ELL: variants seen among roughly 807,000 people sequenced by gnomAD.
ELL encodes the protein RNA polymerase II elongation factor ELL.
In ELL, 18 loss-of-function variants were observed where a neutral mutation model predicts 64.0. The ratio of observed to expected loss-of-function variants is 0.28; its 90% CI spans 0.19 to 0.42. The LOEUF (loss-of-function observed/expected upper bound fraction) is 0.42. Ranked by LOEUF, ELL falls within the 10% of genes least tolerant of loss-of-function variation. The pLI, the probability that ELL is intolerant of heterozygous loss-of-function variation, is 1.00. For missense variants in ELL, 797 were observed against 870.4 expected, an observed-to-expected ratio of 0.92 and a Z score of 1.06; for synonymous variants, 399 against 376.2, an observed-to-expected ratio of 1.06 and a Z score of -0.70.
chr19:18,445,017 C>A, intron 11 of ELL, 149 bp from the exon 12 acceptor site: 1 of 1,072,446 alleles, frequency 9.3e-7, no homozygotes, highest in Admixed American at 2.0e-5. Context: ...GGAGTTGGTC[C>A]CCCGCACCTC....
At chr19:18,458,060 C>T (rs1300073862) in intron 6 of ELL, 145 bp downstream of exon 6, 19 of 1,430,156 alleles carry the variant, frequency 1.3e-5, no homozygotes, top group Non-Finnish European at 1.7e-5. Flanking sequence ...GGAGGATGGC[C>T]AGAGAGGCCT....
At position 18,471,140 on chromosome 19, in the gene ELL, A is replaced by C. The variant is rs1013620648; in HGVS notation, c.183+1695T>G. 9.3e-5 allele frequency: 35 copies of C among 376,928 alleles called. No homozygotes were observed. In the Admixed American group the frequency reaches 1.2e-3, roughly 13 times the overall value. 23.3% of individuals were successfully genotyped at this position (376,928 alleles called of 1,614,324 possible). On this transcript the variant is annotated intron_variant, in intron 2 of 11. Coordinates refer to ENST00000262809, the MANE Select transcript of ELL (RefSeq NM_006532.4). Reference sequence around the variant, plus strand: ...GTAATTCTAGCACTTTGGGAGGCCAAGGTGGGAAGATCATTTGAGCCTAGA... The same window carrying C: ...GTAATTCTAGCACTTTGGGAGGCCACGGTGGGAAGATCATTTGAGCCTAGA...
At position 18,443,605 on chromosome 19, in the gene ELL, CT is replaced by C. The variant is rs1974341287; in HGVS notation, c.*1146del. ...ACATACGCACACTCACACACCCACA[CT>C]TGCGTGGCCCCCCGATGCTTTGGGG... is the stretch of plus-strand genomic sequence containing the variant. On this transcript the variant is annotated 3_prime_UTR_variant, in exon 12 of 12. Coordinates refer to ENST00000262809, the MANE Select transcript of ELL (RefSeq NM_006532.4). 4.3e-5 allele frequency: 10 copies of C among 233,568 alleles called. No homozygotes were observed. The East Asian group carries it at 5.4e-4, about 13-fold the overall frequency. The allele number at this position is 233,568 out of a possible 1,614,324, so 14.5% of individuals were successfully genotyped here.
chr19:18,506,865 C>T (rs915112321), intron 1 of ELL, among the ~76,000 whole-genome samples: 1 of 152,200 alleles, frequency 6.6e-6, no homozygotes, highest in African/African-American at 2.4e-5. Flanking sequence ...GACCCTGTCT[C>T]ATTGATCCTA....
At chr19:18,476,215 G>A (rs1022104517) in intron 1 of ELL, among the ~76,000 whole-genome samples, 4 of 152,202 alleles carry the variant, frequency 2.6e-5, no homozygotes, top group African/African-American at 7.2e-5. Flanking sequence ...GGTGGGCCCC[G>A]TCTCTCGCGG....
intron 6 of ELL, among the ~76,000 whole-genome samples, chr19:18,456,260 C>T (rs755714413): frequency 8.5e-5 from 13 of 152,334 alleles, no homozygotes; most frequent in South Asian, 2.1e-4. Flanking sequence ...CTGCGGGGGC[C>T]GTGGTGCCCA....
intron 4 of ELL, among the ~76,000 whole-genome samples, 172 bp from the exon 5 acceptor site, chr19:18,462,024 C>T (rs8103622): frequency 0.44 from 66,451 of 151,978 alleles, 16,325 homozygotes; most frequent in African/African-American, 0.68. Flanking sequence ...CGACCAAGAG[C>T]GCCACCTGCT....
chr19:18,495,623 C>A (rs1279676987), intron 1 of ELL, among the ~76,000 whole-genome samples: 2 of 152,214 alleles, frequency 1.3e-5, no homozygotes, highest in Non-Finnish European at 2.9e-5. Flanking sequence ...GGCTGGTAGG[C>A]AGAGTGACAG....
At chr19:18,454,119 C>T (rs867509045) in intron 6 of ELL, among the ~76,000 whole-genome samples, 1 of 152,170 alleles carries the variant, frequency 6.6e-6, no homozygotes, top group Non-Finnish European at 1.5e-5. Context: ...ATATTATGAA[C>T]GTACAAAATG....
chr19:18,483,990 C>T (rs1362095491), intron 1 of ELL, among the ~76,000 whole-genome samples: 2 of 152,226 alleles, frequency 1.3e-5, no homozygotes, highest in African/African-American at 2.4e-5. Flanking sequence ...TATTATTCCA[C>T]CTTTTGCATC....
intron 1 of ELL, among the ~76,000 whole-genome samples, chr19:18,478,822 TG>T (rs1483275966): frequency 6.6e-6 from 1 of 152,206 alleles, no homozygotes; most frequent in Non-Finnish European, 1.5e-5. Context: ...GGGCGCCCAC[TG>T]GGGCTACTGA....
At chr19:18,497,654 A>G (rs1448607302) in intron 1 of ELL, among the ~76,000 whole-genome samples, 3 of 151,860 alleles carry the variant, frequency 2.0e-5, no homozygotes, top group Non-Finnish European at 4.4e-5. Context: ...CTGTCTAAAA[A>G]AATTTTTTTT....
chr19:18,497,855 G>A (rs1279790683), intron 1 of ELL, among the ~76,000 whole-genome samples: 3 of 144,570 alleles, frequency 2.1e-5, no homozygotes, highest in Admixed American at 1.4e-4. Context: ...TCAGCCAGAT[G>A]TGATGGCTCA....
chr19:18,485,118 G>A (rs2144946997), intron 1 of ELL, among the ~76,000 whole-genome samples: 2 of 152,294 alleles, frequency 1.3e-5, no homozygotes, highest in South Asian at 4.1e-4. Flanking sequence ...TTGGGTCCCT[G>A]AGAATGCAGC....
At position 18,446,484 on chromosome 19, in the gene ELL, A is replaced by AATC. The variant is rs1974418882; in HGVS notation, c.1533-5_1533-4insGAT. The AATC allele has an allele frequency of 2.5e-6, 4 of 1,610,674 alleles. No homozygotes were observed. The highest frequency in any genetic ancestry group is 3.4e-6 in the Non-Finnish European group (4 of 1,179,466). On this transcript the variant is annotated splice_region_variant and splice_polypyrimidine_tract_variant and intron_variant, in intron 9 of 11. Coordinates refer to ENST00000262809, the MANE Select transcript of ELL (RefSeq NM_006532.4). ...AGAGGAGATGGCTGCGTACTTCCTG[A>AATC]AACAGGAGAGAGGGGCCACTGAGTG... is the stretch of plus-strand genomic sequence containing the variant.
intron 1 of ELL, among the ~76,000 whole-genome samples, chr19:18,506,312 A>G (rs1247783435): frequency 6.6e-6 from 1 of 152,220 alleles, no homozygotes; most frequent in Non-Finnish European, 1.5e-5. Context: ...CCTGCTCCTA[A>G]GCCGCCTCCC....
chr19:18,503,429 G>T (rs1292277051), intron 1 of ELL, among the ~76,000 whole-genome samples: 2 of 152,250 alleles, frequency 1.3e-5, no homozygotes, highest in Non-Finnish European at 2.9e-5. Context: ...AGGCTCTGAG[G>T]AACTGAGCTG....
At position 18,444,352 on chromosome 19, in the gene ELL, G is replaced by C. The variant is rs1490173983; in HGVS notation, c.*400C>G. ...GAGGGAGGCACAGGTTTAGAAAAAAGATTTTGCTTCTCTTTTGTACAAAAA... is the reference window on the plus strand; with the variant it reads ...GAGGGAGGCACAGGTTTAGAAAAAACATTTTGCTTCTCTTTTGTACAAAAA... On this transcript the variant is annotated 3_prime_UTR_variant, in exon 12 of 12. Transcript: ENST00000262809. The C allele has an allele frequency of 4.1e-6, 1 of 244,918 alleles. No homozygotes were observed. The highest frequency in any genetic ancestry group is 5.9e-5 in the East Asian group (1 of 16,826). The allele number at this position is 244,918 out of a possible 1,614,324, so 15.2% of individuals were successfully genotyped here. A position where few individuals can be genotyped will look rare whatever the true frequency, so the allele number is the denominator to read the frequency against.
chr19:18,485,206 G>A (rs1975383578), intron 1 of ELL, among the ~76,000 whole-genome samples: 1 of 151,928 alleles, frequency 6.6e-6, no homozygotes, highest in East Asian at 1.9e-4. Context: ...ACTATTTGGA[G>A]CCCAGCAGAA....
Sources: allele counts gnomAD v4.1 joint callset (sites outside exome capture counted in the v4.1 genomes callset), GRCh38; gene constraint gnomAD v4.1.1; transcripts MANE v1.5; gene names NCBI Gene and HGNC (gene_info 2026-07-23, HGNC 2026-07-21).